RELB: variants seen among roughly 807,000 people sequenced by gnomAD.
RELB encodes transcription factor RelB.
A neutral mutation model predicts 55.4 loss-of-function variants in RELB; 14 were observed. The ratio of observed to expected loss-of-function variants is 0.25; its 90% CI spans 0.17 to 0.40. The LOEUF is 0.40. Among genes scored for constraint, RELB ranks in the 10% least tolerant of loss-of-function variants. RELB has a pLI of 1.00. For synonymous variants in RELB, 409 were observed against 371.3 expected (o/e 1.10, Z -1.17); for missense variants, 669 against 830.7 (o/e 0.81, Z 2.39).
chr19:45,023,775 G>A (rs1490347260), intron 5 of RELB, among the ~76,000 whole-genome samples: 1 of 80,578 alleles, frequency 1.2e-5, no homozygotes, highest in African/African-American at 4.8e-5. Flanking sequence ...TTTTGAGACC[G>A]AGTCTCACTC....
At chr19:45,011,905 G>C (rs750074217) in intron 3 of RELB, 31 bp from the exon 4 acceptor site, 4 of 1,371,826 alleles carry the variant, frequency 2.9e-6, no homozygotes, top group Non-Finnish European at 2.9e-6. Context: ...TAAAGAATGG[G>C]CGTCACCACC....
intron 9 of RELB, among the ~76,000 whole-genome samples, chr19:45,032,957 T>A (rs34540683): frequency 0.056 from 8,479 of 152,250 alleles, 556 homozygotes; most frequent in African/African-American, 0.16. Context: ...GAAATAATAG[T>A]AGCTGTCCTG....
intron 1 of RELB, among the ~76,000 whole-genome samples, chr19:45,002,385 C>T (rs1971223834): frequency 6.6e-6 from 1 of 152,148 alleles, no homozygotes; most frequent in Non-Finnish European, 1.5e-5. Context: ...TGGAGTCTCG[C>T]TCTGTCGCCC....
Position 45,001,509 on chromosome 19 carries a change from C to G in RELB, c.-71C>G, listed in dbSNP as rs1162738386. The stretch of plus-strand genomic sequence containing the variant: ...TCCTGCCCGGCCTGCGGCCCCAGCC[C>G]TTGCGCCGCTCGTCCGACCCGCGAT... On this transcript the variant is annotated 5_prime_UTR_variant, in exon 1 of 12. Coordinates refer to ENST00000221452, the MANE Select transcript of RELB (RefSeq NM_006509.4). The G allele has an allele frequency of 3.6e-6, 3 of 834,280 alleles. No individual in the cohort carries two copies. The highest frequency in any genetic ancestry group is 1.6e-6 in the Non-Finnish European group (1 of 616,330). 51.7% of individuals were successfully genotyped at this position (834,280 alleles called of 1,614,324 possible).
At chr19:45,021,414 A>G (rs886723932) in intron 4 of RELB, among the ~76,000 whole-genome samples, 3 of 139,208 alleles carry the variant, frequency 2.2e-5, no homozygotes, top group African/African-American at 5.4e-5. Context: ...CAGAGCTTGC[A>G]GTGAGCGGAT....
At chr19:45,003,051 G>A (rs1230675984) in intron 2 of RELB, 55 bp downstream of exon 2, 25 of 1,533,628 alleles carry the variant, frequency 1.6e-5, no homozygotes, top group Non-Finnish European at 2.2e-5. Flanking sequence ...GAGGTTGGGA[G>A]GACTCCACAG....
intron 9 of RELB, 50 bp downstream of exon 9, chr19:45,032,799 G>A (rs757197997): frequency 1.3e-6 from 2 of 1,497,370 alleles, no homozygotes; most frequent in South Asian, 2.4e-5. Flanking sequence ...CTAGGTCTTT[G>A]GCCTTGGGGA....
intron 4 of RELB, among the ~76,000 whole-genome samples, chr19:45,021,654 A>T (rs1326774999): frequency 1.5e-5 from 2 of 129,168 alleles, no homozygotes; most frequent in African/African-American, 2.9e-5. Context: ...GGCTCACTGC[A>T]TCCTCCGCCT....
chr19:45,022,131 C>A lies in RELB; in HGVS notation c.583C>A (p.Pro195Thr). The change falls in exon 5 of 12, where the codon CCC becomes ACC. Residue 195 changes from proline (P) to threonine (T), a missense_variant. Pro to Thr is a conservative substitution (Grantham distance 38). Around this residue, in one of 3 missense-constraint regions of RELB, gnomAD observed 323 missense variants for 368.5 expected, o/e 0.88. Transcript: ENST00000221452. Reference sequence around the variant, plus strand: ...GAAGGACTGGCCTCACCGAGTCCACCCCCACAGCCTCGTGGGGAAAGACTG... The same window carrying A: ...GAAGGACTGGCCTCACCGAGTCCACACCCACAGCCTCGTGGGGAAAGACTG... ...VWKDWPHRVH[P>T]HSLVGKDCTD... 1.2e-6 allele frequency: 2 copies of A among 1,613,410 alleles called. No homozygotes were observed. The highest frequency in any genetic ancestry group is 8.5e-7 in the Non-Finnish European group (1 of 1,179,742).
chr19:45,015,005 C>T (rs933298737), intron 4 of RELB, among the ~76,000 whole-genome samples: 5 of 150,864 alleles, frequency 3.3e-5, no homozygotes. Context: ...TGGGTTCAAG[C>T]GATTCTCCTG....
At position 45,020,619 on chromosome 19, in the gene RELB, G is replaced by A. The variant is rs556814652; in HGVS notation, c.505-1434G>A. The stretch of plus-strand genomic sequence containing the variant: ...GTCGCCCAGGCTGGAGTGCAGTGGC[G>A]CGATCTTGGCTCACTGCAAGCTCCG... On this transcript the variant is annotated intron_variant, in intron 4 of 11. Transcript: ENST00000221452. Among the ~76,000 whole-genome samples, 629 of 146,474 alleles carry A rather than the reference G, an allele frequency of 4.3e-3. 3 individuals are homozygous for A. The highest frequency in any genetic ancestry group is 6.3e-3 in the Admixed American group (90 of 14,242).
intron 9 of RELB, among the ~76,000 whole-genome samples, chr19:45,033,427 G>A (rs750046138): frequency 2.0e-5 from 3 of 152,088 alleles, no homozygotes; most frequent in Non-Finnish European, 2.9e-5. Flanking sequence ...GCTCATGCCT[G>A]TAATCACAGC....
chr19:45,029,398 C>G (rs574231351), intron 8 of RELB, among the ~76,000 whole-genome samples: 1 of 152,158 alleles, frequency 6.6e-6, no homozygotes, highest in African/African-American at 2.4e-5. Context: ...TTCAAATGGC[C>G]CTTCCTCAAA....
chr19:45,034,633 C>T lies in RELB; in HGVS notation c.1354+105C>T, dbSNP rs1971666409. Reference sequence around the variant, plus strand: ...ACGCCCTCCAAGAGCAGCCACAAGGCGAGTCACTCAGCACTTAGCCAGCAA... The same window carrying T: ...ACGCCCTCCAAGAGCAGCCACAAGGTGAGTCACTCAGCACTTAGCCAGCAA... On this transcript the variant is annotated intron_variant, in intron 11 of 11. Coordinates refer to ENST00000221452, the MANE Select transcript of RELB (RefSeq NM_006509.4). 12 of 921,392 alleles carry T rather than the reference C, an allele frequency of 1.3e-5. No individual in the cohort carries two copies. The highest frequency in any genetic ancestry group is 1.6e-5 in the South Asian group (1 of 64,344). The allele number at this position is 921,392 out of a possible 1,614,324, so 57.1% of individuals were successfully genotyped here.
chr19:45,036,671 CTTAGT>C (rs1258020161), intron 11 of RELB, among the ~76,000 whole-genome samples: 1 of 151,972 alleles, frequency 6.6e-6, no homozygotes, highest in Non-Finnish European at 1.5e-5. Context: ...CCCTCAGTGC[CTTAGT>C]TTACTTATTA....
At position 45,037,811 on chromosome 19, in the gene RELB, G is replaced by A; in HGVS notation, c.*21G>A. Reference sequence around the variant, plus strand: ...CGTAGCCCCGCGATGCCAGAGGAGGGGCACTGGGTGGGGAGGGAGGTGGAG... The same window carrying A: ...CGTAGCCCCGCGATGCCAGAGGAGGAGCACTGGGTGGGGAGGGAGGTGGAG... On this transcript the variant is annotated 3_prime_UTR_variant, in exon 12 of 12. Transcript: ENST00000221452. The A allele has an allele frequency of 6.8e-7, 1 of 1,476,422 alleles. No homozygotes were observed. Among genetic ancestry groups the A allele is most frequent in the Non-Finnish European group, 8.9e-7 (1 of 1,117,944 alleles). 91.5% of individuals were successfully genotyped at this position (1,476,422 alleles called of 1,614,324 possible).
At chr19:45,023,546 T>C (rs1485623851) in intron 5 of RELB, among the ~76,000 whole-genome samples, 2 of 151,446 alleles carry the variant, frequency 1.3e-5, no homozygotes, top group African/African-American at 4.9e-5. Flanking sequence ...CAAGTGATTC[T>C]CCTGCCTCAG....
chr19:45,003,915 GTTTTTTTTTTTTTT>G (rs1039624578), intron 2 of RELB, among the ~76,000 whole-genome samples: 4 of 63,574 alleles, frequency 6.3e-5, no homozygotes, highest in South Asian at 7.6e-4. Context: ...TGTTTTTTGT[GTTTTTTTTTTTTTT>G]TTTTTTTTTT....
At chr19:45,032,039 C>T (rs1971628642) in intron 8 of RELB, among the ~76,000 whole-genome samples, 2 of 151,530 alleles carry the variant, frequency 1.3e-5, no homozygotes, top group Admixed American at 6.6e-5. Context: ...AGAGCGAGAC[C>T]ATCCTGGCCA....
Sources: allele counts gnomAD v4.1 joint callset (sites outside exome capture counted in the v4.1 genomes callset), GRCh38; gene constraint gnomAD v4.1.1; regional missense constraint gnomAD v4.1.1; transcripts MANE v1.5; gene names NCBI Gene and HGNC (gene_info 2026-07-23, HGNC 2026-07-21).